Variants in PTPRD observed in about 807,000 individuals in gnomAD.
PTPRD encodes the protein receptor-type tyrosine-protein phosphatase delta.
PTPRD carries 34 observed loss-of-function variants against 214.5 expected under a neutral mutation model. The ratio of observed to expected loss-of-function variants is 0.16; its 90% CI spans 0.12 to 0.21. The LOEUF (loss-of-function observed/expected upper bound fraction) is 0.21, where lower values mean the gene tolerates loss of function less well. Ranked by LOEUF, PTPRD falls within the 10% of genes least tolerant of loss-of-function variation. The pLI, the probability that PTPRD is intolerant of heterozygous loss-of-function variation, is 1.00. For synonymous variants in PTPRD, 1,128 were observed against 845.7 expected, an observed-to-expected ratio of 1.33 and a Z score of -5.79; for missense variants, 2,545 against 2,398.7, an observed-to-expected ratio of 1.06 and a Z score of -1.27.
At chr9:9,649,811 T>C (rs2096287370) in intron 7 of PTPRD, among the ~76,000 whole-genome samples, 1 of 152,238 alleles carries the variant, frequency 6.6e-6, no homozygotes. Flanking sequence ...ACTTAAGCTT[T>C]AACATTTAAT....
intron 14 of PTPRD, among the ~76,000 whole-genome samples, chr9:8,583,017 G>A (rs558207280): frequency 3.9e-5 from 6 of 152,240 alleles, no homozygotes; most frequent in African/African-American, 1.4e-4. Context: ...AATAAATTGG[G>A]GGTTATTGAT....
At chr9:9,767,304 C>G (rs189190780) in intron 5 of PTPRD, among the ~76,000 whole-genome samples, 1 of 151,892 alleles carries the variant, frequency 6.6e-6, no homozygotes, top group East Asian at 1.9e-4. Flanking sequence ...CAGTGAAGCA[C>G]TCATTAAAGT....
Position 10,127,916 on chromosome 9 carries a change from G to T in PTPRD, c.-544-94126C>A, listed in dbSNP as rs540616161. On this transcript the variant is annotated intron_variant, in intron 3 of 45. Coordinates refer to ENST00000381196, the MANE Select transcript of PTPRD (RefSeq NM_002839.4). ...GAGATCAGTGGGGTATATAGGGTGTGGAGAATGGCAAATCACAAATCATAT... is the reference window on the plus strand; with the variant it reads ...GAGATCAGTGGGGTATATAGGGTGTTGAGAATGGCAAATCACAAATCATAT... 3.4e-4 allele frequency among the ~76,000 whole-genome samples: 51 copies of T among 152,208 alleles called. 1 individual carries two copies. The highest frequency in any genetic ancestry group is 1.2e-3 in the African/African-American group (51 of 41,536).
intron 9 of PTPRD, among the ~76,000 whole-genome samples, chr9:9,323,043 T>G (rs930553614): frequency 6.6e-6 from 1 of 152,206 alleles, no homozygotes; most frequent in African/African-American, 2.4e-5. Context: ...TTTAAGTTAC[T>G]GTTTACAATT....
At position 8,646,742 on chromosome 9, in the gene PTPRD, C is replaced by T. The variant is rs377672417; in HGVS notation, c.65-9898G>A. On this transcript the variant is annotated intron_variant, in intron 12 of 45. Transcript: ENST00000381196. ...TAGTTATTTTAAGCACATGTGTTTT[C>T]TCCCCTTTCACATTCATAGAACCTT... is the stretch of plus-strand genomic sequence containing the variant. Among the ~76,000 whole-genome samples the T allele has an allele frequency of 3.3e-3, 501 of 152,194 alleles. 1 individual carries two copies. Among genetic ancestry groups the T allele is most frequent in the African/African-American group, 0.012 (482 of 41,522 alleles).
At chr9:9,216,306 C>A (rs2099952184) in intron 9 of PTPRD, among the ~76,000 whole-genome samples, 4 of 152,160 alleles carry the variant, frequency 2.6e-5, no homozygotes, top group South Asian at 4.1e-4. Context: ...TAGTCACCAG[C>A]TCCCAAATCC....
At chr9:10,199,853 G>A (rs1395117665) in intron 3 of PTPRD, among the ~76,000 whole-genome samples, 1 of 151,438 alleles carries the variant, frequency 6.6e-6, no homozygotes, top group Admixed American at 6.6e-5. Flanking sequence ...AAAAGATGGA[G>A]GCAATACCAA....
chr9:8,750,259 G>A (rs1206978575), intron 11 of PTPRD, among the ~76,000 whole-genome samples: 1 of 151,952 alleles, frequency 6.6e-6, no homozygotes, highest in African/African-American at 2.4e-5. Flanking sequence ...CCAGGTTCAA[G>A]CGATTCTTCT....
chr9:8,993,445 C>G (rs146329321), intron 11 of PTPRD, among the ~76,000 whole-genome samples: 1 of 152,104 alleles, frequency 6.6e-6, no homozygotes, highest in African/African-American at 2.4e-5. Context: ...CTTTGTGTAG[C>G]GTTTTTCCCA....
At chr9:9,742,224 T>A (rs908158650) in intron 6 of PTPRD, among the ~76,000 whole-genome samples, 1 of 152,190 alleles carries the variant, frequency 6.6e-6, no homozygotes, top group Non-Finnish European at 1.5e-5. Flanking sequence ...TCTGTTCAAA[T>A]TAAATTAGTA....
At chr9:9,426,160 A>C (rs902381139) in intron 8 of PTPRD, among the ~76,000 whole-genome samples, 7 of 152,176 alleles carry the variant, frequency 4.6e-5, no homozygotes, top group Non-Finnish European at 8.8e-5. Context: ...TTTCCTAGCC[A>C]AGGGAAGCCG....
intron 11 of PTPRD, among the ~76,000 whole-genome samples, chr9:8,865,112 T>A (rs2098172590): frequency 6.6e-6 from 1 of 151,744 alleles, no homozygotes; most frequent in Non-Finnish European, 1.5e-5. Context: ...TGATGTAAAG[T>A]CTGTTCTGTT....
intron 10 of PTPRD, among the ~76,000 whole-genome samples, chr9:9,045,542 C>A (rs1442553366): frequency 1.3e-5 from 2 of 152,144 alleles, no homozygotes; most frequent in Non-Finnish European, 2.9e-5. Flanking sequence ...GTTGAAGTTG[C>A]AGGAGCAAGA....
chr9:8,488,493 A>G (rs1346168659), intron 27 of PTPRD, among the ~76,000 whole-genome samples: 2 of 152,218 alleles, frequency 1.3e-5, no homozygotes, highest in African/African-American at 2.4e-5. Context: ...TATATAAAAC[A>G]TGTGTGTTGA....
intron 5 of PTPRD, among the ~76,000 whole-genome samples, chr9:9,932,080 T>C: frequency 6.7e-6 from 1 of 148,942 alleles, no homozygotes; most frequent in East Asian, 2.0e-4. Flanking sequence ...CATCTGTACA[T>C]CACCATCATC....
intron 5 of PTPRD, among the ~76,000 whole-genome samples, chr9:9,787,146 A>AT (rs1289613118): frequency 6.6e-6 from 1 of 150,958 alleles, no homozygotes; most frequent in Non-Finnish European, 1.5e-5. Context: ...CAATTTAATA[A>AT]AAAAAAAATA....
chr9:8,565,348 G>A (rs925801214), intron 14 of PTPRD, among the ~76,000 whole-genome samples: 3 of 152,146 alleles, frequency 2.0e-5, no homozygotes, highest in African/African-American at 7.2e-5. Flanking sequence ...GCTTTCATGT[G>A]AGAACCATAT....
chr9:9,687,368 C>T (rs893750992), intron 7 of PTPRD, among the ~76,000 whole-genome samples: 5 of 151,816 alleles, frequency 3.3e-5, no homozygotes, highest in African/African-American at 1.2e-4. Flanking sequence ...TTTGTGGAAG[C>T]CTTCATAAGG....
intron 11 of PTPRD, among the ~76,000 whole-genome samples, chr9:8,932,955 T>C (rs527567508): frequency 4.1e-4 from 62 of 152,226 alleles, no homozygotes; most frequent in Non-Finnish European, 5.1e-4. Context: ...TCTGCCTAAA[T>C]GGCTGCCCAG....
Sources: gnomAD v4.1 joint callset for allele counts (sites outside exome capture counted in the v4.1 genomes callset) on GRCh38, gnomAD v4.1.1 for gene constraint, MANE v1.5 for transcripts, NCBI Gene and HGNC (gene_info 2026-07-23, HGNC 2026-07-21) for gene names.